The following GPC6 variants were observed in gnomAD, a reference collection of about 807,000 sequenced individuals.
The protein encoded by GPC6 is glypican 6, also known as glypican-6.
A neutral mutation model predicts 55.2 loss-of-function variants in GPC6; 14 were observed. The ratio of observed to expected loss-of-function variants is 0.25; its 90% CI spans 0.17 to 0.40. GPC6 has a LOEUF of 0.40. GPC6 is among the 10% of genes least tolerant of loss of function. The pLI, the probability that GPC6 is intolerant of heterozygous loss-of-function variation, is 1.00. For synonymous variants in GPC6, 278 were observed against 259.6 expected (o/e 1.07, Z -0.68); for missense variants, 641 against 708.5 (o/e 0.90, Z 1.08).
intron 4 of GPC6, among the ~76,000 whole-genome samples, chr13:94,152,335 C>G (rs1887770809): frequency 6.6e-6 from 1 of 152,214 alleles, no homozygotes; most frequent in East Asian, 1.9e-4. Context: ...GAGTTTGAAC[C>G]CAATCCAGTC....
At chr13:93,836,848 G>A (rs1439920394) in intron 3 of GPC6, among the ~76,000 whole-genome samples, 4 of 152,086 alleles carry the variant, frequency 2.6e-5, no homozygotes, top group Admixed American at 6.5e-5. Flanking sequence ...TTCAGATACT[G>A]TGCTAAGCAC....
At chr13:93,632,580 C>G (rs1320175569) in intron 2 of GPC6, among the ~76,000 whole-genome samples, 7 of 54,206 alleles carry the variant, frequency 1.3e-4, no homozygotes, top group Non-Finnish European at 5.0e-4. Context: ...CAGAGCCAAA[C>G]CATGTCTCAA....
rs190948014 is a variant in GPC6 at position 94,365,216 on chromosome 13, A to G, written c.1153-17198A>G. Among the ~76,000 whole-genome samples, 543 of 152,330 alleles carry G rather than the reference A, an allele frequency of 3.6e-3. 1 individual carries two copies. The highest frequency in any genetic ancestry group is 5.7e-3 in the Non-Finnish European group (391 of 68,022). Reference sequence around the variant, plus strand: ...TCTGGGGAGGTCCTAGTTGAAACCCATAGAAAGACTTTCAGCTAAATCATA... The same window carrying G: ...TCTGGGGAGGTCCTAGTTGAAACCCGTAGAAAGACTTTCAGCTAAATCATA... On this transcript the variant is annotated intron_variant, in intron 6 of 8. Transcript: ENST00000377047.
chr13:93,463,102 A>C (rs1033475615), intron 1 of GPC6, among the ~76,000 whole-genome samples: 2 of 152,188 alleles, frequency 1.3e-5, no homozygotes, highest in African/African-American at 4.8e-5. Context: ...CCACAACCTG[A>C]ATATTATGTT....
intron 1 of GPC6, among the ~76,000 whole-genome samples, chr13:93,406,655 A>G (rs932007291): frequency 6.6e-6 from 1 of 152,182 alleles, no homozygotes; most frequent in African/African-American, 2.4e-5. Flanking sequence ...TTTGTATACC[A>G]TCTTATTCAA....
chr13:94,389,678 A>C (rs1050197314), intron 7 of GPC6, among the ~76,000 whole-genome samples: 5 of 152,202 alleles, frequency 3.3e-5, no homozygotes, highest in Admixed American at 2.0e-4. Flanking sequence ...GAGACAGGGC[A>C]GGAAAAATGA....
chr13:93,461,239 C>T (rs1419857968), intron 1 of GPC6, among the ~76,000 whole-genome samples: 1 of 152,022 alleles, frequency 6.6e-6, no homozygotes. Flanking sequence ...TTTGGTCCTG[C>T]TACTAAAAAA....
At chr13:93,368,354 T>TTCCTTCCC (rs1881331475) in intron 1 of GPC6, among the ~76,000 whole-genome samples, 2 of 84,004 alleles carry the variant, frequency 2.4e-5, no homozygotes, top group African/African-American at 6.6e-5. Flanking sequence ...CCTTCCTTCC[T>TTCCTTCCC]TCCTTCCTTC....
chr13:93,958,376 TG>T (rs1238441100), intron 3 of GPC6, among the ~76,000 whole-genome samples: 1 of 152,208 alleles, frequency 6.6e-6, no homozygotes, highest in Non-Finnish European at 1.5e-5. Context: ...AGTGAATTTT[TG>T]TATATGGTGA....
chr13:93,889,759 T>A (rs1175698652), intron 3 of GPC6, among the ~76,000 whole-genome samples: 4 of 152,140 alleles, frequency 2.6e-5, no homozygotes, highest in Non-Finnish European at 5.9e-5. Flanking sequence ...TGCCATTTGA[T>A]CAGCACAGTC....
At chr13:93,604,563 C>T (rs1278911105) in intron 2 of GPC6, among the ~76,000 whole-genome samples, 1 of 151,896 alleles carries the variant, frequency 6.6e-6, no homozygotes, top group Non-Finnish European at 1.5e-5. Context: ...AGTGAGGTAC[C>T]TTTTTTTTCT....
intron 2 of GPC6, among the ~76,000 whole-genome samples, chr13:93,609,624 C>T (rs1209950159): frequency 6.6e-6 from 1 of 152,176 alleles, no homozygotes. Flanking sequence ...GTTTTGCTGC[C>T]TGATTGATCT....
At chr13:93,499,999 A>G (rs951548423) in intron 1 of GPC6, among the ~76,000 whole-genome samples, 6 of 152,172 alleles carry the variant, frequency 3.9e-5, no homozygotes, top group Non-Finnish European at 7.3e-5. Flanking sequence ...TTCAAGGCTC[A>G]CTTGGCCCGT....
chr13:93,561,510 T>G (rs1875804986), intron 2 of GPC6, among the ~76,000 whole-genome samples: 1 of 150,320 alleles, frequency 6.7e-6, no homozygotes, highest in South Asian at 2.1e-4. Flanking sequence ...AAATTACACT[T>G]TATATTTCAC....
chr13:94,129,998 T>C (rs1886952978), intron 4 of GPC6, among the ~76,000 whole-genome samples: 1 of 152,152 alleles, frequency 6.6e-6, no homozygotes, highest in African/African-American at 2.4e-5. Context: ...GTGTAAGATA[T>C]ACCTTTTTTC....
intron 1 of GPC6, among the ~76,000 whole-genome samples, chr13:93,278,448 T>C (rs974273100): frequency 6.6e-6 from 1 of 152,218 alleles, no homozygotes; most frequent in Non-Finnish European, 1.5e-5. Context: ...CATCCAGCCC[T>C]TGGCAACCAC....
chr13:93,882,041 T>A (rs1008115210), intron 3 of GPC6, among the ~76,000 whole-genome samples: 2 of 151,984 alleles, frequency 1.3e-5, no homozygotes, highest in African/African-American at 4.8e-5. Flanking sequence ...TTTTTTTCCT[T>A]ACTTTCTCCT....
rs1460407716 is a variant in GPC6 at position 93,897,368 on chromosome 13, G to A, written c.711+66823G>A. 3.9e-5 allele frequency among the ~76,000 whole-genome samples: 6 copies of A among 151,910 alleles called. No homozygotes were observed. The East Asian group carries it at 9.6e-4, about 24-fold the overall frequency. ...TTTTTTAATCAGAAAGAGAAGATAA[G>A]CGTCTAAGGTGTTGGAGAGTCCAGT... On this transcript the variant is annotated intron_variant, in intron 3 of 8. Coordinates refer to ENST00000377047, the MANE Select transcript of GPC6 (RefSeq NM_005708.5).
chr13:93,284,867 A>G (rs1269825100), intron 1 of GPC6, among the ~76,000 whole-genome samples: 1 of 152,210 alleles, frequency 6.6e-6, no homozygotes, highest in Non-Finnish European at 1.5e-5. Flanking sequence ...GTAGAGGATA[A>G]TGTAGAGTCT....
Sources: gnomAD v4.1 joint callset for allele counts (sites outside exome capture counted in the v4.1 genomes callset) on GRCh38, gnomAD v4.1.1 for gene constraint, MANE v1.5 for transcripts, NCBI Gene and HGNC (gene_info 2026-07-23, HGNC 2026-07-21) for gene names.